The following KIF26B variants were observed in gnomAD, a reference collection of about 807,000 sequenced individuals.
The protein encoded by KIF26B is kinesin family member 26B.
In KIF26B, 63 loss-of-function variants were observed where a neutral mutation model predicts 151.2. The ratio of observed to expected loss-of-function variants is 0.42; its 90% CI spans 0.34 to 0.51. KIF26B has a LOEUF of 0.51. KIF26B is among the 20% of genes least tolerant of loss of function. The pLI is 0.07. For synonymous variants in KIF26B, 1,357 were observed against 1,262.1 expected, an observed-to-expected ratio of 1.08 and a Z score of -1.59; for missense variants, 2,813 against 2,913.6, an observed-to-expected ratio of 0.97 and a Z score of 0.79.
At chr1:245,380,177 A>G (rs746070155) in intron 3 of KIF26B, among the ~76,000 whole-genome samples, 3 of 152,304 alleles carry the variant, frequency 2.0e-5, no homozygotes, top group Non-Finnish European at 2.9e-5. Context: ...GTTTAGAAGC[A>G]TATTAGTCAC....
chr1:245,507,941 T>G (rs753912686), intron 4 of KIF26B, among the ~76,000 whole-genome samples: 2 of 152,302 alleles, frequency 1.3e-5, no homozygotes, highest in Non-Finnish European at 2.9e-5. Context: ...GTGACCATTT[T>G]CATACATTGG....
At position 245,326,855 on chromosome 1, in the gene KIF26B, C is replaced by A. The variant is rs114164751; in HGVS notation, c.466-39979C>A. On this transcript the variant is annotated intron_variant, in intron 2 of 14. Transcript: ENST00000407071. ...GTGATGTCCAAGTCATCTGGCCAGT[C>A]CAGTTTCTCCTTTTGCACATCAAGG... 5.9e-3 allele frequency among the ~76,000 whole-genome samples: 899 copies of A among 152,312 alleles called. 11 individuals are homozygous for A. Among genetic ancestry groups the A allele is most frequent in the African/African-American group, 0.02 (840 of 41,570 alleles).
At chr1:245,253,597 G>A (rs193265788) in intron 2 of KIF26B, among the ~76,000 whole-genome samples, 7 of 152,024 alleles carry the variant, frequency 4.6e-5, no homozygotes, top group East Asian at 1.9e-4. Flanking sequence ...AAGAGTTTAC[G>A]TAAGATTGGA....
At chr1:245,552,886 C>T (rs1393518619) in intron 5 of KIF26B, among the ~76,000 whole-genome samples, 2 of 152,132 alleles carry the variant, frequency 1.3e-5, no homozygotes, top group Non-Finnish European at 2.9e-5. Context: ...GGGTGTGAGC[C>T]ACCGCACACA....
chr1:245,200,173 T>A (rs1669273102), intron 2 of KIF26B, among the ~76,000 whole-genome samples: 1 of 152,204 alleles, frequency 6.6e-6, no homozygotes, highest in African/African-American at 2.4e-5. Context: ...GCGGTGATAT[T>A]CCCAAATCCC....
intron 4 of KIF26B, among the ~76,000 whole-genome samples, chr1:245,525,370 G>A (rs1428020284): frequency 6.6e-6 from 1 of 152,144 alleles, no homozygotes; most frequent in Non-Finnish European, 1.5e-5. Context: ...ATACAGCATT[G>A]AACGACTCAG....
intron 9 of KIF26B, among the ~76,000 whole-genome samples, chr1:245,618,616 CAG>C (rs1028440829): frequency 6.9e-6 from 1 of 145,876 alleles, no homozygotes; most frequent in Non-Finnish European, 1.5e-5. Context: ...TTCCTTGAGA[CAG>C]AGTGCCACAC....
intron 10 of KIF26B, among the ~76,000 whole-genome samples, chr1:245,675,186 G>A (rs1482060129): frequency 2.0e-5 from 3 of 152,174 alleles, no homozygotes; most frequent in East Asian, 1.9e-4. Context: ...CCCGGCATCC[G>A]TGTGTGATGG....
At chr1:245,569,395 T>A (rs6692830) in intron 5 of KIF26B, among the ~76,000 whole-genome samples, 13,603 of 151,670 alleles carry the variant, frequency 0.09, 725 homozygotes, top group Middle Eastern at 0.16. Context: ...ATTATTTGAG[T>A]TTAGGAGTTC....
At chr1:245,503,102 T>C (rs1414773048) in intron 4 of KIF26B, among the ~76,000 whole-genome samples, 1 of 152,098 alleles carries the variant, frequency 6.6e-6, no homozygotes, top group African/African-American at 2.4e-5. Flanking sequence ...TCAGGTGATC[T>C]GCCCGCCTCG....
intron 3 of KIF26B, among the ~76,000 whole-genome samples, chr1:245,386,987 G>A (rs571487705): frequency 8.3e-4 from 127 of 152,200 alleles, no homozygotes; most frequent in Middle Eastern, 3.4e-3. Flanking sequence ...ATCAGCTGGG[G>A]GAGCAGAGAT....
At chr1:245,534,295 T>C (rs1248741082) in intron 4 of KIF26B, among the ~76,000 whole-genome samples, 1 of 152,016 alleles carries the variant, frequency 6.6e-6, no homozygotes, top group Non-Finnish European at 1.5e-5. Context: ...CCTAAATAGC[T>C]AGGATTACAG....
chr1:245,499,673 G>A (rs1660581563), intron 4 of KIF26B, among the ~76,000 whole-genome samples: 1 of 152,206 alleles, frequency 6.6e-6, no homozygotes, highest in African/African-American at 2.4e-5. Flanking sequence ...AAAGTGAGCA[G>A]CATTTCTTCA....
chr1:245,504,195 AT>A lies in KIF26B; in HGVS notation c.1167-36570del, dbSNP rs1660681110. Reference sequence around the variant, plus strand: ...CTCTCTGGGGAGCTTTACATCACCCATTGCTCTCTCCATCTCCCCAGGGCCC... The same window carrying A: ...CTCTCTGGGGAGCTTTACATCACCCATGCTCTCTCCATCTCCCCAGGGCCC... On this transcript the variant is annotated intron_variant, in intron 4 of 14. Transcript: ENST00000407071. 5.3e-5 allele frequency among the ~76,000 whole-genome samples: 8 copies of A among 152,014 alleles called. No homozygotes were observed. The South Asian group carries it at 1.7e-3, about 32-fold the overall frequency.
chr1:245,337,702 G>A (rs1276646128), intron 2 of KIF26B, among the ~76,000 whole-genome samples: 1 of 151,888 alleles, frequency 6.6e-6, no homozygotes, highest in Non-Finnish European at 1.5e-5. Context: ...GTGTTTATAG[G>A]TGCACACACA....
intron 2 of KIF26B, among the ~76,000 whole-genome samples, chr1:245,192,944 T>C (rs955447374): frequency 3.4e-4 from 51 of 152,194 alleles, no homozygotes; most frequent in African/African-American, 1.2e-3. Flanking sequence ...GTGATACAGG[T>C]AAGTTGTGTG....
chr1:245,222,439 AAAAC>A (rs962894782), intron 2 of KIF26B, among the ~76,000 whole-genome samples: 51 of 152,330 alleles, frequency 3.3e-4, no homozygotes, highest in African/African-American at 1.1e-3. Flanking sequence ...CTCCATCTCA[AAAAC>A]AAACAAACAA....
intron 4 of KIF26B, among the ~76,000 whole-genome samples, chr1:245,510,707 G>C (rs1237029975): frequency 3.1e-5 from 4 of 128,404 alleles, no homozygotes; most frequent in Admixed American, 1.8e-4. Context: ...GCAGACACCA[G>C]AGTGAAACTG....
At chr1:245,662,483 C>T (rs925968664) in intron 10 of KIF26B, among the ~76,000 whole-genome samples, 1 of 72,772 alleles carries the variant, frequency 1.4e-5, no homozygotes, top group African/African-American at 5.6e-5. Context: ...TATACACACA[C>T]CCAATATATA....
Sources: gnomAD v4.1 joint callset for allele counts (sites outside exome capture counted in the v4.1 genomes callset) on GRCh38, gnomAD v4.1.1 for gene constraint, MANE v1.5 for transcripts, NCBI Gene and HGNC (gene_info 2026-07-23, HGNC 2026-07-21) for gene names.